Variants in MS4A6A observed in about 807,000 individuals in gnomAD.
MS4A6A encodes the protein membrane-spanning 4-domains subfamily A member 6A.
A neutral mutation model predicts 20.6 loss-of-function variants in MS4A6A; 19 were observed. The ratio of observed to expected loss-of-function variants is 0.92; its 90% CI spans 0.64 to 1.36. The LOEUF is 1.36. Among genes scored for constraint, MS4A6A ranks in the 40% most tolerant of loss-of-function variants. The pLI, the probability that MS4A6A is intolerant of heterozygous loss-of-function variation, is 0.00. For missense variants in MS4A6A, 272 were observed against 261.1 expected, an observed-to-expected ratio of 1.04 and a Z score of -0.29; for synonymous variants, 108 against 105.0, an observed-to-expected ratio of 1.03 and a Z score of -0.17.
intron 5 of MS4A6A, 63 bp from the exon 6 acceptor site, chr11:60,173,192 G>T (rs747969381): frequency 4.4e-4 from 639 of 1,439,346 alleles, no homozygotes; most frequent in Non-Finnish European, 5.9e-4. Context: ...ATGCCTAGTT[G>T]AGAGGTGACC....
In MS4A6A at chr11:60,172,723, T is replaced by C. The variant is rs112590709; in HGVS notation, c.*278A>G. On this transcript the variant is annotated 3_prime_UTR_variant, in exon 6 of 6. Coordinates refer to ENST00000528851, the MANE Select transcript of MS4A6A (RefSeq NM_022349.4). ...TGTCCTCAGCAAAGGCACAAACTCA[T>C]AGCATAATGCCAGGCCAGTCATTTA... 3.4e-4 allele frequency: 417 copies of C among 1,233,400 alleles called. 3 individuals are homozygous for C. In the African/African-American group the frequency reaches 5.8e-3, roughly 17 times the overall value. The allele number at this position is 1,233,400 out of a possible 1,614,324, so 76.4% of individuals were successfully genotyped here. A position where few individuals can be genotyped will look rare whatever the true frequency, so the allele number is the denominator to read the frequency against.
intron 5 of MS4A6A, among the ~76,000 whole-genome samples, chr11:60,174,893 A>G (rs559039394): frequency 6.6e-6 from 1 of 151,450 alleles, no homozygotes; most frequent in East Asian, 2.0e-4. Context: ...AGTATTATTC[A>G]TTATTGTGAT....
chr11:60,183,342 G>C (rs2083837618), upstream of MS4A6A: 1 of 621,464 alleles, frequency 1.6e-6, no homozygotes, highest in East Asian at 2.9e-5. Context: ...CTGTTAAATA[G>C]AGGAGCAATA....
chr11:60,172,183 C>T (rs144472637), downstream of MS4A6A: 21 of 1,612,946 alleles, frequency 1.3e-5, no homozygotes, highest in African/African-American at 2.1e-4. Flanking sequence ...TTCTTCATAT[C>T]CACAGTCATG....
chr11:60,183,184 C>G (rs2134822526), upstream of MS4A6A: 6 of 1,535,780 alleles, frequency 3.9e-6, no homozygotes, highest in South Asian at 1.2e-5. Flanking sequence ...CTGTAAACTT[C>G]TAGCAACTTC....
rs115850805 is a variant in MS4A6A at position 60,173,150 on chromosome 11, G to A, written c.550-21C>T. On this transcript the variant is annotated intron_variant, in intron 5 of 5. Coordinates refer to ENST00000528851, the MANE Select transcript of MS4A6A (RefSeq NM_022349.4). ...GTTCCCTGAAAGTCAAGAAATAAAA[G>A]ATTGATGTTGCTTAGGTCAGCTGAA... The A allele has an allele frequency of 3.8e-5, 61 of 1,608,700 alleles. No homozygotes were observed. In the African/African-American group the frequency reaches 6.4e-4, roughly 17 times the overall value.
chr11:60,175,613 T>C lies in MS4A6A; in HGVS notation c.340-2A>G, dbSNP rs772428170. On this transcript the variant is annotated splice_acceptor_variant, in intron 4 of 5. Transcript: ENST00000528851. LOFTEE classifies it high-confidence loss of function. ...GCTTCCAACCAGGCTGCTATGCACCTGAAAGAGAAATGTTGGGTAAGGATC... is the reference window on the plus strand; with the variant it reads ...GCTTCCAACCAGGCTGCTATGCACCCGAAAGAGAAATGTTGGGTAAGGATC... The C allele has an allele frequency of 1.2e-6, 2 of 1,612,834 alleles. No homozygotes were observed. Among genetic ancestry groups the C allele is most frequent in the Non-Finnish European group, 1.7e-6 (2 of 1,179,828 alleles).
chr11:60,172,270 ATG>A (rs1491206940), downstream of MS4A6A: 1 of 1,608,474 alleles, frequency 6.2e-7, no homozygotes, highest in African/African-American at 1.4e-5. Flanking sequence ...GAAACAAAAT[ATG>A]TTAGGTCTTC....
In MS4A6A at chr11:60,172,846, T is replaced by C; in HGVS notation, c.*155A>G. On this transcript the variant is annotated 3_prime_UTR_variant, in exon 6 of 6. Transcript: ENST00000528851. ...TTTTCATATCCAGTGAATTTTCAGC[T>C]TATCAGCTACTCAATTGCCATCTGC... 6.9e-7 allele frequency: 1 copy of C among 1,440,838 alleles called. No homozygotes were observed. Among genetic ancestry groups the C allele is most frequent in the Non-Finnish European group, 9.1e-7 (1 of 1,094,994 alleles). 89.3% of individuals were successfully genotyped at this position (1,440,838 alleles called of 1,614,324 possible).
chr11:60,178,334 A>C lies in MS4A6A; in HGVS notation c.283-18T>G. 6.2e-7 allele frequency: 1 copy of C among 1,611,516 alleles called. No individual in the cohort carries two copies. The highest frequency in any genetic ancestry group is 8.5e-7 in the Non-Finnish European group (1 of 1,177,764). On this transcript the variant is annotated intron_variant, in intron 3 of 5. Transcript: ENST00000528851. ...ATGATAAACTAAGATAAAAGAGAAA[A>C]TGGTCAGGTCAGATTCCATGTACAG...
intron 4 of MS4A6A, among the ~76,000 whole-genome samples, chr11:60,177,797 T>TACA (rs1856922758): frequency 6.6e-6 from 1 of 152,136 alleles, no homozygotes; most frequent in Non-Finnish European, 1.5e-5. Context: ...TGTAGTATAC[T>TACA]GTAGTAGCCT....
Position 60,175,142 on chromosome 11 carries a change from A to C in MS4A6A, c.549+260T>G, listed in dbSNP as rs542164641. Among the ~76,000 whole-genome samples, 4 of 152,318 alleles carry C rather than the reference A, an allele frequency of 2.6e-5. No homozygotes were observed. In the East Asian group the frequency reaches 7.7e-4, roughly 29 times the overall value. ...TAATTTATGCCTCCAAAATTGGATT[A>C]GTTTGATAATTAAGAACCTCTACAA... is the stretch of plus-strand genomic sequence containing the variant. On this transcript the variant is annotated intron_variant, in intron 5 of 5. Transcript: ENST00000528851.
At chr11:60,181,818 T>A in intron 1 of MS4A6A, 77 bp from the exon 2 acceptor site, 1 of 1,414,816 alleles carries the variant, frequency 7.1e-7, no homozygotes, top group South Asian at 1.2e-5. Flanking sequence ...AGTAACTCAG[T>A]CTTTGCCAAT....
At position 60,175,550 on chromosome 11, in the gene MS4A6A, A is replaced by G. The variant is rs1249229414; in HGVS notation, c.401T>C (p.Ile134Thr). Reference protein sequence around the residue: ...SALSALVGFIILSVKQATLNP... With the variant: ...SALSALVGFITLSVKQATLNP... ...TAAGGTGGCCTGTTTGACAGACAGG[A>G]TAATGAAACCCACCAGGGCAGACAG... The change falls in exon 5 of 6, where the codon ATC (isoleucine) becomes ACC (threonine). Residue 134 changes from isoleucine (I) to threonine (T), a missense_variant. Physicochemically the swap from Ile to Thr is moderately conservative, Grantham distance 89 (BLOSUM62 -1). Coordinates refer to ENST00000528851, the MANE Select transcript of MS4A6A (RefSeq NM_022349.4). 4 of 1,614,142 alleles carry G rather than the reference A, an allele frequency of 2.5e-6. No homozygotes were observed. The highest frequency in any genetic ancestry group is 2.2e-5 in the South Asian group (2 of 91,080).
At chr11:60,179,680 T>C (rs755900392) in intron 3 of MS4A6A, 151 bp downstream of exon 3, 5 of 839,594 alleles carry the variant, frequency 6.0e-6, no homozygotes, top group Non-Finnish European at 1.0e-5. Flanking sequence ...AAGCAACCCC[T>C]GTCATCCTAC....
intron 4 of MS4A6A, among the ~76,000 whole-genome samples, chr11:60,176,166 G>A (rs1856827774): frequency 1.3e-5 from 2 of 152,208 alleles, no homozygotes; most frequent in Admixed American, 1.3e-4. Context: ...AGATGAGTGA[G>A]GGGGTGGTTC....
At chr11:60,178,369 G>A (rs1280726199) in intron 3 of MS4A6A, 53 bp from the exon 4 acceptor site, 18 of 1,418,762 alleles carry the variant, frequency 1.3e-5, no homozygotes, top group African/African-American at 9.9e-5. Context: ...GAGTACCTTC[G>A]ACGTCACTAT....
At chr11:60,174,743 T>C (rs1856749523) in intron 5 of MS4A6A, among the ~76,000 whole-genome samples, 2 of 152,204 alleles carry the variant, frequency 1.3e-5, no homozygotes, top group South Asian at 2.1e-4. Flanking sequence ...ATTTTTCTTC[T>C]TCCAAAGAGA....
At chr11:60,183,852 G>A (rs945793190), upstream of MS4A6A, 3 of 152,366 alleles carry the variant, frequency 2.0e-5, no homozygotes, top group Admixed American at 2.0e-4. Context: ...GAAAGATTCA[G>A]CAGGACCTAA....
Sources: gnomAD v4.1 joint callset for allele counts (sites outside exome capture counted in the v4.1 genomes callset) on GRCh38, gnomAD v4.1.1 for gene constraint, MANE v1.5 for transcripts, NCBI Gene and HGNC (gene_info 2026-07-23, HGNC 2026-07-21) for gene names.